GUCY1A2: variants seen among roughly 807,000 people sequenced by gnomAD.
GUCY1A2 encodes guanylate cyclase soluble subunit alpha-2.
GUCY1A2 carries 27 observed loss-of-function variants against 63.5 expected under a neutral mutation model. That is an observed-to-expected ratio of 0.43 (90% CI 0.31 to 0.59). The LOEUF (loss-of-function observed/expected upper bound fraction) is 0.59, where lower values mean the gene tolerates loss of function less well. GUCY1A2 is among the 20% of genes least tolerant of loss of function. The probability of loss-of-function intolerance (pLI) is 0.11; values close to 1 mark genes in which losing one functional copy is unlikely to be tolerated. For missense variants in GUCY1A2, 768 were observed against 913.3 expected, an observed-to-expected ratio of 0.84 and a Z score of 2.05; for synonymous variants, 364 against 343.5, an observed-to-expected ratio of 1.06 and a Z score of -0.66.
In GUCY1A2 at chr11:106,917,409, C is replaced by A. The variant is rs1430374386; in HGVS notation, c.1206+22051G>T. Among the ~76,000 whole-genome samples the A allele has an allele frequency of 4.1e-5, 6 of 145,324 alleles. 1 individual carries two copies. The highest frequency in any genetic ancestry group is 1.5e-4 in the African/African-American group (6 of 40,942). The stretch of plus-strand genomic sequence containing the variant: ...CAGCAGCCAGATAGATCAGGCAATG[C>A]TCTTAGAAATTAGCAAAGCCATCCC... On this transcript the variant is annotated intron_variant, in intron 4 of 7. Transcript: ENST00000526355.
At position 106,809,999 on chromosome 11, in the gene GUCY1A2, A is replaced by T. The variant is rs1263094342; in HGVS notation, c.1686T>A (p.Ile562=). 7 of 1,595,880 alleles carry T rather than the reference A, an allele frequency of 4.4e-6. No individual in the cohort carries two copies. Among genetic ancestry groups the T allele is most frequent in the Non-Finnish European group, 6.0e-6 (7 of 1,164,708 alleles). The change falls in exon 5 of 8, where the codon ATT becomes ATA. Residue 562 remains isoleucine (I), a synonymous_variant. Transcript: ENST00000526355. ...RFDHQCGFLD[I]YKVETIGDAY... is the part of the protein sequence containing the mutation. ...AGTAACTAAACTCCCTTACCTTATAAATATCCAAAAATCCACACTGGTGGT... is the reference window on the plus strand; with the variant it reads ...AGTAACTAAACTCCCTTACCTTATATATATCCAAAAATCCACACTGGTGGT...
chr11:106,991,931 T>G (rs972197953), intron 1 of GUCY1A2, among the ~76,000 whole-genome samples: 6 of 152,248 alleles, frequency 3.9e-5, no homozygotes, highest in Non-Finnish European at 5.9e-5. Flanking sequence ...TGAACTTCTT[T>G]GATTTTCACA....
chr11:106,705,929 G>A (rs1862902118), intron 7 of GUCY1A2, among the ~76,000 whole-genome samples: 2 of 152,230 alleles, frequency 1.3e-5, no homozygotes, highest in South Asian at 4.2e-4. Flanking sequence ...CACAATGAAA[G>A]ACTGAGAAAA....
intron 5 of GUCY1A2, among the ~76,000 whole-genome samples, chr11:106,792,019 C>A (rs1180760824): frequency 6.6e-6 from 1 of 152,110 alleles, no homozygotes; most frequent in African/African-American, 2.4e-5. Context: ...TTAGGGCCAG[C>A]ATCCTTGATG....
At chr11:106,734,302 C>G (rs1389706037) in intron 6 of GUCY1A2, among the ~76,000 whole-genome samples, 1 of 151,974 alleles carries the variant, frequency 6.6e-6, no homozygotes, top group Admixed American at 6.6e-5. Flanking sequence ...AAGTCAAAAT[C>G]AAAGATATAT....
intron 4 of GUCY1A2, among the ~76,000 whole-genome samples, chr11:106,938,242 C>T (rs1860705273): frequency 6.6e-6 from 1 of 152,148 alleles, no homozygotes; most frequent in Admixed American, 6.5e-5. Flanking sequence ...CCACACCCAG[C>T]CATCTTTCTC....
rs1862509181 is a variant in GUCY1A2 at position 106,685,433 on chromosome 11, T to G, written c.*2116A>C. 1 of 220,126 alleles carries G rather than the reference T, an allele frequency of 4.5e-6. No homozygotes were observed. Among genetic ancestry groups the G allele is most frequent in the Non-Finnish European group, 9.1e-6 (1 of 109,988 alleles). 13.6% of individuals were successfully genotyped at this position (220,126 alleles called of 1,614,324 possible). A position where few individuals can be genotyped will look rare whatever the true frequency, so the allele number is the denominator to read the frequency against. On this transcript the variant is annotated 3_prime_UTR_variant, in exon 8 of 8. Coordinates refer to ENST00000526355, the MANE Select transcript of GUCY1A2 (RefSeq NM_000855.3). ...TTAGAGTAGTTGCTTAGACAAATCT[T>G]TATAAAAAGTGAGAGAAATAGATTG...
intron 4 of GUCY1A2, among the ~76,000 whole-genome samples, chr11:106,930,481 CT>C (rs2119940486): frequency 6.6e-6 from 1 of 152,284 alleles, no homozygotes; most frequent in Admixed American, 6.5e-5. Flanking sequence ...CTCAATACTG[CT>C]TTTTTTCTGT....
intron 4 of GUCY1A2, among the ~76,000 whole-genome samples, chr11:106,886,509 T>A (rs1419516088): frequency 1.3e-5 from 2 of 152,134 alleles, no homozygotes; most frequent in Non-Finnish European, 2.9e-5. Flanking sequence ...GGATACCACA[T>A]ATGTATATGA....
At chr11:106,920,140 G>A (rs1315370433) in intron 4 of GUCY1A2, among the ~76,000 whole-genome samples, 1 of 148,324 alleles carries the variant, frequency 6.7e-6, no homozygotes. Context: ...ATACATTAGG[G>A]GAACGCCATT....
At chr11:106,710,678 T>A (rs1344048097) in intron 6 of GUCY1A2, among the ~76,000 whole-genome samples, 1 of 151,888 alleles carries the variant, frequency 6.6e-6, no homozygotes, top group Non-Finnish European at 1.5e-5. Flanking sequence ...AAGCTCTCAG[T>A]GTACAGTTGT....
In GUCY1A2 at chr11:106,678,885, C is replaced by CT. The variant is rs77232721; in HGVS notation, c.*8663dup. ...ATTTTTAAGTCTGTCATATTTATGA[C>CT]TTTTTTTCTGTAACAAATGGAAAAT... On this transcript the variant is annotated 3_prime_UTR_variant, in exon 8 of 8. Coordinates refer to ENST00000526355, the MANE Select transcript of GUCY1A2 (RefSeq NM_000855.3). 3.1e-3 allele frequency: 582 copies of CT among 189,350 alleles called. 11 individuals carry two copies. The highest frequency in any genetic ancestry group is 0.026 in the East Asian group (306 of 11,822). The allele number at this position is 189,350 out of a possible 1,614,324, so 11.7% of individuals were successfully genotyped here.
intron 5 of GUCY1A2, among the ~76,000 whole-genome samples, chr11:106,795,344 G>T (rs567290737): frequency 2.0e-5 from 3 of 152,156 alleles, no homozygotes; most frequent in African/African-American, 7.2e-5. Context: ...GATATGAGGC[G>T]ATGACACTAA....
Position 106,677,222 on chromosome 11 carries a change from A to G in GUCY1A2, c.*10327T>C. Reference sequence around the variant, plus strand: ...AAGGAAGGAAGGAAGATAGGAAGATAATTCAATGGAAAAAAGAGGAGCTAA... The same window carrying G: ...AAGGAAGGAAGGAAGATAGGAAGATGATTCAATGGAAAAAAGAGGAGCTAA... On this transcript the variant is annotated 3_prime_UTR_variant, in exon 8 of 8. Transcript: ENST00000526355. 1 of 221,170 alleles carries G rather than the reference A, an allele frequency of 4.5e-6. No individual in the cohort carries two copies. The highest frequency in any genetic ancestry group is 9.1e-6 in the Non-Finnish European group (1 of 109,840). The allele number at this position is 221,170 out of a possible 1,614,324, so 13.7% of individuals were successfully genotyped here.
At chr11:106,994,976 G>A (rs997122805) in intron 1 of GUCY1A2, among the ~76,000 whole-genome samples, 5 of 152,072 alleles carry the variant, frequency 3.3e-5, no homozygotes, top group African/African-American at 7.2e-5. Context: ...TCACCATCAC[G>A]GCCAATTTGG....
chr11:106,986,855 T>G (rs1861408114), intron 1 of GUCY1A2, among the ~76,000 whole-genome samples: 1 of 152,148 alleles, frequency 6.6e-6, no homozygotes, highest in South Asian at 2.1e-4. Context: ...ATATGGAGTC[T>G]GCAACAAATA....
At chr11:106,707,989 C>T (rs1405894707) in intron 7 of GUCY1A2, among the ~76,000 whole-genome samples, 1 of 151,990 alleles carries the variant, frequency 6.6e-6, no homozygotes, top group Non-Finnish European at 1.5e-5. Context: ...ATTTGGGATG[C>T]TCACCAGGTA....
chr11:106,849,158 A>T (rs994627629), intron 4 of GUCY1A2, among the ~76,000 whole-genome samples: 1 of 151,484 alleles, frequency 6.6e-6, no homozygotes, highest in African/African-American at 2.4e-5. Context: ...ACTCACATTA[A>T]TGTTCAACCC....
rs2135326522 is a variant in GUCY1A2 at position 106,680,142 on chromosome 11, A to G, written c.*7407T>C. The G allele has an allele frequency of 4.7e-6, 1 of 214,586 alleles. No homozygotes were observed. Among genetic ancestry groups the G allele is most frequent in the East Asian group, 6.9e-5 (1 of 14,396 alleles). 13.3% of individuals were successfully genotyped at this position (214,586 alleles called of 1,614,324 possible). On this transcript the variant is annotated 3_prime_UTR_variant, in exon 8 of 8. Transcript: ENST00000526355. ...CTCTTCTAAAGCTCCTGCCCACCTC[A>G]CTCACTCCATTTGTCCCTTTGTCCT...
Sources: allele counts gnomAD v4.1 joint callset (sites outside exome capture counted in the v4.1 genomes callset), GRCh38; gene constraint gnomAD v4.1.1; transcripts MANE v1.5; gene names NCBI Gene and HGNC (gene_info 2026-07-23, HGNC 2026-07-21).